ESR2: variants seen among roughly 807,000 people sequenced by gnomAD.
ESR2 encodes the protein estrogen receptor 2, also known as estrogen receptor beta.
In ESR2, 36 loss-of-function variants were observed where a neutral mutation model predicts 49.6. The observed-to-expected ratio is 0.73, with a 90% CI of 0.56 to 0.96. The LOEUF is 0.96. Ranked by LOEUF, ESR2 falls within the 40% of genes least tolerant of loss-of-function variation. The pLI is 0.00. For synonymous variants in ESR2, 320 were observed against 266.1 expected, an observed-to-expected ratio of 1.20 and a Z score of -1.97; for missense variants, 714 against 693.0, an observed-to-expected ratio of 1.03 and a Z score of -0.34.
chr14:64,267,028 A>T (rs1476713034), intron 4 of ESR2, among the ~76,000 whole-genome samples: 1 of 152,036 alleles, frequency 6.6e-6, no homozygotes, highest in African/African-American at 2.4e-5. Context: ...CTACAGGCAC[A>T]TGCCACCACG....
chr14:64,271,493 T>C (rs1254215672), intron 3 of ESR2, among the ~76,000 whole-genome samples: 1 of 152,136 alleles, frequency 6.6e-6, no homozygotes, highest in African/African-American at 2.4e-5. Flanking sequence ...ACCCAGCTAA[T>C]TTTTTGTATT....
intron 1 of ESR2, among the ~76,000 whole-genome samples, chr14:64,328,398 G>A (rs561830752): frequency 3.3e-5 from 5 of 151,356 alleles, no homozygotes; most frequent in Admixed American, 6.6e-5. Context: ...CAGCATGGGC[G>A]ACAGAGCAAG....
chr14:64,309,722 C>A (rs992096732), intron 1 of ESR2, among the ~76,000 whole-genome samples: 86 of 152,008 alleles, frequency 5.7e-4, no homozygotes, highest in African/African-American at 2.1e-3. Flanking sequence ...GTAATCCCAG[C>A]ACTTTGAGAG....
At chr14:64,239,291 C>T (rs1465596168) in intron 7 of ESR2, among the ~76,000 whole-genome samples, 1 of 152,182 alleles carries the variant, frequency 6.6e-6, no homozygotes, top group African/African-American at 2.4e-5. Flanking sequence ...TCCTCATCAG[C>T]ATCCATCTAT....
intron 8 of ESR2, 134 bp downstream of exon 8, chr14:64,234,831 GTGAAC>G: frequency 1.4e-6 from 2 of 1,468,478 alleles, no homozygotes; most frequent in South Asian, 2.8e-5. Flanking sequence ...TTACAGGTGT[GTGAAC>G]TGACAAATTC....
intron 2 of ESR2, among the ~76,000 whole-genome samples, chr14:64,281,885 C>T (rs575041774): frequency 4.6e-5 from 7 of 152,272 alleles, no homozygotes; most frequent in South Asian, 2.1e-4. Flanking sequence ...TTTCATGCTT[C>T]GCATGTCTAG....
chr14:64,282,238 G>C (rs538637039), intron 2 of ESR2, among the ~76,000 whole-genome samples: 1 of 152,086 alleles, frequency 6.6e-6, no homozygotes, highest in African/African-American at 2.4e-5. Context: ...CCAGCTACTC[G>C]GGAGACTAAG....
intron 6 of ESR2, 23 bp downstream of exon 6, chr14:64,257,203 A>T (rs750511470): frequency 6.2e-7 from 1 of 1,612,784 alleles, no homozygotes; most frequent in East Asian, 2.2e-5. Context: ...GTCAGAGAAG[A>T]AACACAATGT....
chr14:64,308,293 C>A (rs1463232365), intron 1 of ESR2, among the ~76,000 whole-genome samples: 1 of 152,162 alleles, frequency 6.6e-6, no homozygotes, highest in Non-Finnish European at 1.5e-5. Flanking sequence ...GGATTATAGG[C>A]ATGAGACACC....
At position 64,294,324 on chromosome 14, in the gene ESR2, T is replaced by G. The variant is rs1042034545; in HGVS notation, c.-382A>C. 2 of 151,856 alleles carry G rather than the reference T, an allele frequency of 1.3e-5. No individual in the cohort carries two copies. Among genetic ancestry groups the G allele is most frequent in the African/African-American group, 2.4e-5 (1 of 41,250 alleles). The allele number at this position is 151,856 out of a possible 1,614,324, so 9.4% of individuals were successfully genotyped here. A position where few individuals can be genotyped will look rare whatever the true frequency, so the allele number is the denominator to read the frequency against. On this transcript the variant is annotated 5_prime_UTR_variant, in exon 1 of 9. Transcript: ENST00000341099. The stretch of plus-strand genomic sequence containing the variant: ...TTGCAACTGCCTCCTGGCGGGGGAG[T>G]GGGTGTCCAAAAAGCCAGCAGCTGG...
chr14:64,332,762 T>C (rs2140908860), intron 1 of ESR2, among the ~76,000 whole-genome samples: 1 of 142,090 alleles, frequency 7.0e-6, no homozygotes, highest in Non-Finnish European at 1.5e-5. Context: ...ATCGCACCAC[T>C]GCACTCCAGC....
chr14:64,296,074 C>T (rs1173306176), upstream of ESR2, among the ~76,000 whole-genome samples: 1 of 148,068 alleles, frequency 6.8e-6, no homozygotes. Context: ...AAATCAGCTT[C>T]ATTTGGTGGT....
chr14:64,252,475 G>C (rs1355079357), intron 6 of ESR2, among the ~76,000 whole-genome samples: 1 of 152,032 alleles, frequency 6.6e-6, no homozygotes, highest in East Asian at 1.9e-4. Flanking sequence ...CTTTGTATTA[G>C]TCCATTTTCA....
At chr14:64,258,599 G>T (rs1297476830) in intron 5 of ESR2, among the ~76,000 whole-genome samples, 1 of 152,166 alleles carries the variant, frequency 6.6e-6, no homozygotes, top group Non-Finnish European at 1.5e-5. Context: ...TACAGATGAG[G>T]AAACTACAGC....
chr14:64,297,408 C>A (rs1201246571), upstream of ESR2: 1 of 152,286 alleles, frequency 6.6e-6, no homozygotes, highest in Non-Finnish European at 1.5e-5. Context: ...TCCTCATCTT[C>A]TCACCCCACC....
chr14:64,311,492 G>T (rs946973402), intron 1 of ESR2, among the ~76,000 whole-genome samples: 8 of 151,760 alleles, frequency 5.3e-5, no homozygotes, highest in African/African-American at 1.9e-4. Context: ...ATACAAAAAT[G>T]AGCCAGGTGT....
chr14:64,285,616 T>C (rs1013575458), intron 1 of ESR2, among the ~76,000 whole-genome samples: 11 of 151,664 alleles, frequency 7.3e-5, no homozygotes, highest in African/African-American at 2.7e-4. Context: ...TCACATGAGG[T>C]CAAGAGTTTG....
chr14:64,244,039 T>A, intron 7 of ESR2, among the ~76,000 whole-genome samples: 1 of 152,220 alleles, frequency 6.6e-6, no homozygotes, highest in East Asian at 1.9e-4. Context: ...GATACCCAGA[T>A]AGCAGATAAA....
chr14:64,278,638 C>T (rs2076604379), intron 3 of ESR2, among the ~76,000 whole-genome samples: 1 of 152,056 alleles, frequency 6.6e-6, no homozygotes, highest in Non-Finnish European at 1.5e-5. Context: ...AGTTGAGGGA[C>T]AGGTTATGGG....
Sources: allele counts gnomAD v4.1 joint callset (sites outside exome capture counted in the v4.1 genomes callset), GRCh38; gene constraint gnomAD v4.1.1; transcripts MANE v1.5; gene names NCBI Gene and HGNC (gene_info 2026-07-23, HGNC 2026-07-21).